ATXN7L1: variants seen among roughly 807,000 people sequenced by gnomAD.
The protein encoded by ATXN7L1 is ataxin-7-like protein 1.
A neutral mutation model predicts 70.8 loss-of-function variants in ATXN7L1; 15 were observed. The observed-to-expected ratio is 0.21, with a 90% confidence interval of 0.14 to 0.33. The LOEUF (loss-of-function observed/expected upper bound fraction) is 0.33. Among genes scored for constraint, ATXN7L1 ranks in the 10% least tolerant of loss-of-function variants. The probability of loss-of-function intolerance (pLI) is 1.00; values close to 1 mark genes in which losing one functional copy is unlikely to be tolerated. For missense variants in ATXN7L1, 975 were observed against 1,097.1 expected (o/e 0.89, Z 1.57); for synonymous variants, 440 against 445.1 (o/e 0.99, Z 0.14).
intron 3 of ATXN7L1, among the ~76,000 whole-genome samples, chr7:105,745,451 G>A (rs750101649): frequency 2.6e-5 from 4 of 152,102 alleles, no homozygotes; most frequent in African/African-American, 7.2e-5. Context: ...TGTACGCCTC[G>A]TACCACTTGA....
chr7:105,704,713 T>C (rs1334990108), intron 3 of ATXN7L1, among the ~76,000 whole-genome samples: 2 of 150,286 alleles, frequency 1.3e-5, no homozygotes, highest in African/African-American at 4.9e-5. Flanking sequence ...TGGGTTCAAG[T>C]GATTCTTGTG....
chr7:105,669,424 G>C (rs1282740725), intron 3 of ATXN7L1, among the ~76,000 whole-genome samples: 4 of 152,176 alleles, frequency 2.6e-5, no homozygotes. Flanking sequence ...GTTGCAGTGA[G>C]GGAATATTAA....
At chr7:105,676,063 A>G (rs1028399837) in intron 3 of ATXN7L1, among the ~76,000 whole-genome samples, 3 of 152,112 alleles carry the variant, frequency 2.0e-5, no homozygotes, top group African/African-American at 7.2e-5. Context: ...TCGCTGCCAC[A>G]GTTGTCACTC....
At chr7:105,816,135 A>G (rs1274887979) in intron 2 of ATXN7L1, among the ~76,000 whole-genome samples, 5 of 152,136 alleles carry the variant, frequency 3.3e-5, no homozygotes, top group Non-Finnish European at 7.3e-5. Flanking sequence ...AAGAGGGCCA[A>G]ATTCTTCTAA....
At chr7:105,653,403 G>A (rs781650666) in intron 4 of ATXN7L1, among the ~76,000 whole-genome samples, 1 of 152,164 alleles carries the variant, frequency 6.6e-6, no homozygotes, top group African/African-American at 2.4e-5. Context: ...AGCCGAGATC[G>A]TGTCACAGCA....
chr7:105,638,758 A>G (rs1797732503), intron 6 of ATXN7L1, 149 bp from the exon 7 acceptor site: 2 of 1,055,746 alleles, frequency 1.9e-6, no homozygotes, highest in East Asian at 5.2e-5. Context: ...TTCTGTGGCT[A>G]GGAAGAGGCA....
Position 105,624,076 on chromosome 7 carries a change from G to A in ATXN7L1, c.1394C>T (p.Ala465Val). The A allele has an allele frequency of 2.1e-6, 3 of 1,417,060 alleles. No homozygotes were observed. Among genetic ancestry groups the A allele is most frequent in the Non-Finnish European group, 2.8e-6 (3 of 1,071,312 alleles). The allele number at this position is 1,417,060 out of a possible 1,614,324, so 87.8% of individuals were successfully genotyped here. ...QFSTHHPRPL[A>V]FCSFGSRLMG... ...GGCAAGGAACGGAAGGAGGCCTACC[G>A]CCAGAGGTCTGGGGTGGTGCGTGGA... Residue 465 changes from alanine to valine, a missense_variant and splice_region_variant, in exon 8 of 12, where the codon GCG becomes GTG. This residue lies in a region of ATXN7L1 where 635 missense variants were observed against 699.4 expected (regional missense o/e 0.91). Transcript: ENST00000419735.
intron 3 of ATXN7L1, among the ~76,000 whole-genome samples, chr7:105,744,655 T>C (rs1240997356): frequency 6.6e-6 from 1 of 151,452 alleles, no homozygotes; most frequent in African/African-American, 2.4e-5. Flanking sequence ...TTTAAAAACA[T>C]GAAGGCCATG....
At chr7:105,716,285 A>G (rs144766484) in intron 3 of ATXN7L1, among the ~76,000 whole-genome samples, 2 of 152,310 alleles carry the variant, frequency 1.3e-5, no homozygotes, top group African/African-American at 4.8e-5. Context: ...AGATGTCAGT[A>G]GTTACTCTTC....
intron 2 of ATXN7L1, among the ~76,000 whole-genome samples, chr7:105,852,993 AGAT>A (rs1259165313): frequency 6.6e-6 from 1 of 152,140 alleles, no homozygotes; most frequent in Non-Finnish European, 1.5e-5. Context: ...TGAGGGGAAT[AGAT>A]GATTAGAATA....
chr7:105,720,392 C>T (rs1445050109), intron 3 of ATXN7L1, among the ~76,000 whole-genome samples: 1 of 152,050 alleles, frequency 6.6e-6, no homozygotes, highest in Admixed American at 6.5e-5. Flanking sequence ...ACAAAACCTG[C>T]CTCTTGCCTA....
chr7:105,796,357 T>C (rs749039309), intron 2 of ATXN7L1, among the ~76,000 whole-genome samples: 20 of 152,022 alleles, frequency 1.3e-4, no homozygotes, highest in Non-Finnish European at 2.9e-4. Flanking sequence ...CAAGACTCTG[T>C]CTCAAAAATA....
At chr7:105,692,413 CCTT>C (rs1791060361) in intron 3 of ATXN7L1, among the ~76,000 whole-genome samples, 1 of 139,076 alleles carries the variant, frequency 7.2e-6, no homozygotes, top group African/African-American at 2.8e-5. Flanking sequence ...TTCCTTCCTT[CCTT>C]CCTTCCTTCC....
rs78747562 is a variant in ATXN7L1, at chr7:105,744,360, C to T, written c.355+44244G>A. On this transcript the variant is annotated intron_variant, in intron 3 of 11. Transcript: ENST00000419735. ...AGACTAAATCCGCTAGGGAGAGAGT[C>T]CCTTATCTTGCCCAAGAGCTTAGAG... is the stretch of plus-strand genomic sequence containing the variant. 7.7e-3 allele frequency among the ~76,000 whole-genome samples: 1,165 copies of T among 152,228 alleles called. 6 individuals are homozygous for T. Among genetic ancestry groups the T allele is most frequent in the Middle Eastern group, 0.014 (4 of 294 alleles).
intron 2 of ATXN7L1, among the ~76,000 whole-genome samples, chr7:105,792,395 G>A (rs1392368756): frequency 2.6e-5 from 4 of 152,224 alleles, no homozygotes; most frequent in Non-Finnish European, 5.9e-5. Flanking sequence ...GCAAAGACAG[G>A]CAGCTGGCTC....
chr7:105,811,589 C>T (rs539245385), intron 2 of ATXN7L1, among the ~76,000 whole-genome samples: 1 of 152,124 alleles, frequency 6.6e-6, no homozygotes, highest in Non-Finnish European at 1.5e-5. Flanking sequence ...GAGAAAAGCC[C>T]AGGCTGCTGA....
At chr7:105,799,936 C>T (rs561044637) in intron 2 of ATXN7L1, among the ~76,000 whole-genome samples, 29 of 152,186 alleles carry the variant, frequency 1.9e-4, no homozygotes, top group South Asian at 1.9e-3. Context: ...CCAATGCTGC[C>T]GAGGGACAGA....
chr7:105,752,694 T>C (rs1424728122), intron 3 of ATXN7L1, among the ~76,000 whole-genome samples: 1 of 152,206 alleles, frequency 6.6e-6, no homozygotes, highest in Non-Finnish European at 1.5e-5. Context: ...ACTTTTTTCA[T>C]CGCAAGAAGA....
chr7:105,789,923 C>T (rs1417338824), intron 2 of ATXN7L1, among the ~76,000 whole-genome samples: 2 of 151,878 alleles, frequency 1.3e-5, no homozygotes, highest in South Asian at 2.1e-4. Context: ...CAAACACCCA[C>T]CAATTGACGA....
Sources: gnomAD v4.1 joint callset for allele counts (sites outside exome capture counted in the v4.1 genomes callset) on GRCh38, gnomAD v4.1.1 for gene constraint, gnomAD v4.1.1 regional missense constraint, MANE v1.5 for transcripts, NCBI Gene and HGNC (gene_info 2026-07-23, HGNC 2026-07-21) for gene names.